Variants in GFOD1 observed in about 807,000 individuals in gnomAD.
The protein encoded by GFOD1 is glucose-fructose oxidoreductase domain-containing protein 1.
A neutral mutation model predicts 25.4 loss-of-function variants in GFOD1; 9 were observed. The observed-to-expected ratio is 0.35, with a 90% CI of 0.21 to 0.62. The LOEUF (loss-of-function observed/expected upper bound fraction) is 0.62, where lower values mean the gene tolerates loss of function less well. GFOD1 is among the 20% of genes least tolerant of loss of function. The pLI is 0.72. For missense variants in GFOD1, 403 were observed against 556.9 expected (o/e 0.72, Z 2.78); for synonymous variants, 253 against 245.6 (o/e 1.03, Z -0.28).
chr6:13,370,584 C>T (rs1785131168), intron 1 of GFOD1, among the ~76,000 whole-genome samples: 1 of 152,126 alleles, frequency 6.6e-6, no homozygotes, highest in South Asian at 2.1e-4. Context: ...TCCTCAAGAT[C>T]CTCAGGTTTT....
At chr6:13,421,525 T>G (rs893358046) in intron 1 of GFOD1, among the ~76,000 whole-genome samples, 8 of 151,898 alleles carry the variant, frequency 5.3e-5, no homozygotes, top group African/African-American at 1.9e-4. Context: ...TAAAAAATTA[T>G]ACTTTCTGCA....
At chr6:13,475,597 A>C (rs1401447299) in intron 1 of GFOD1, among the ~76,000 whole-genome samples, 2 of 151,664 alleles carry the variant, frequency 1.3e-5, no homozygotes, top group Non-Finnish European at 2.9e-5. Context: ...GGATGCCTGT[A>C]ATCTCAGCTA....
chr6:13,401,984 A>C (rs1301952432), intron 1 of GFOD1, among the ~76,000 whole-genome samples: 1 of 152,250 alleles, frequency 6.6e-6, no homozygotes, highest in African/African-American at 2.4e-5. Flanking sequence ...TGGCATAAGG[A>C]TGAACAAATA....
chr6:13,465,333 C>A (rs577428333), intron 1 of GFOD1, among the ~76,000 whole-genome samples: 2 of 152,274 alleles, frequency 1.3e-5, no homozygotes, highest in Admixed American at 6.5e-5. Flanking sequence ...AGGGGTTGGA[C>A]AAGCTTGATC....
rs1229736999 is a variant in GFOD1 at position 13,361,058 on chromosome 6, A to G, written c.*3685T>C. ...TTGTTTTTATGGATTGTATGAGATA[A>G]CATACTTAAAATACTCTGCACACAG... On this transcript the variant is annotated 3_prime_UTR_variant, in exon 2 of 2. Coordinates refer to ENST00000379287, the MANE Select transcript of GFOD1 (RefSeq NM_018988.4). 5.6e-6 allele frequency: 2 copies of G among 357,244 alleles called. No homozygotes were observed. The highest frequency in any genetic ancestry group is 1.1e-5 in the Non-Finnish European group (2 of 180,606). 22.1% of individuals were successfully genotyped at this position (357,244 alleles called of 1,614,324 possible).
At chr6:13,468,795 G>A (rs185921972) in intron 1 of GFOD1, among the ~76,000 whole-genome samples, 275 of 151,992 alleles carry the variant, frequency 1.8e-3, no homozygotes, top group Non-Finnish European at 2.8e-3. Flanking sequence ...AGATATCAAG[G>A]CCCCCCTGAC....
intron 1 of GFOD1, among the ~76,000 whole-genome samples, chr6:13,377,319 C>T (rs926231316): frequency 1.3e-5 from 2 of 152,210 alleles, no homozygotes; most frequent in African/African-American, 4.8e-5. Context: ...TTCTCTAGAA[C>T]AGAAGTTCAG....
At chr6:13,393,368 CAAAAAAAA>C (rs70989853) in intron 1 of GFOD1, among the ~76,000 whole-genome samples, 2 of 72,492 alleles carry the variant, frequency 2.8e-5, no homozygotes, top group East Asian at 4.5e-4. Flanking sequence ...AAACAACCAC[CAAAAAAAA>C]AAAAAAAAAA....
intron 1 of GFOD1, among the ~76,000 whole-genome samples, chr6:13,394,954 A>T (rs950054231): frequency 1.1e-4 from 16 of 151,950 alleles, no homozygotes; most frequent in Non-Finnish European, 1.6e-4. Flanking sequence ...GCTAATTTTT[A>T]AAAAATTTTG....
chr6:13,380,595 T>C (rs1584615145), intron 1 of GFOD1, among the ~76,000 whole-genome samples: 1 of 152,006 alleles, frequency 6.6e-6, no homozygotes, highest in South Asian at 2.1e-4. Flanking sequence ...CTGGCTGGGG[T>C]GGCCACAGGG....
chr6:13,429,487 C>A (rs1396948846), intron 1 of GFOD1, among the ~76,000 whole-genome samples: 1 of 152,226 alleles, frequency 6.6e-6, no homozygotes, highest in Non-Finnish European at 1.5e-5. Context: ...ACGGTCCTCT[C>A]AGACAGAAAA....
At chr6:13,393,599 A>G (rs1785661194) in intron 1 of GFOD1, among the ~76,000 whole-genome samples, 1 of 151,946 alleles carries the variant, frequency 6.6e-6, no homozygotes. Context: ...GTCTGGTGAT[A>G]ACAAAACTTG....
At chr6:13,372,960 A>G (rs764622324) in intron 1 of GFOD1, among the ~76,000 whole-genome samples, 10 of 152,234 alleles carry the variant, frequency 6.6e-5, no homozygotes, top group Non-Finnish European at 1.3e-4. Flanking sequence ...AGAGCCCCCA[A>G]AAGAAGTCCC....
chr6:13,390,761 AAGAGAGAG>A lies in GFOD1; in HGVS notation c.254-25107_254-25100del, dbSNP rs70989852. 4.8e-5 allele frequency among the ~76,000 whole-genome samples: 5 copies of A among 104,794 alleles called. No homozygotes were observed. The East Asian group carries it at 1.1e-3, about 24-fold the overall frequency. 68.7% of individuals were successfully genotyped at this position (104,794 alleles called of 152,430 possible). The stretch of plus-strand genomic sequence containing the variant: ...AAAGAAAGACAGGAAGAGAGAGAGA[AAGAGAGAG>A]AGAGAGAGAGAAAGGAAGGAAGGAA... On this transcript the variant is annotated intron_variant, in intron 1 of 1. Coordinates refer to ENST00000379287, the MANE Select transcript of GFOD1 (RefSeq NM_018988.4).
rs1044756810 is a variant in GFOD1, at chr6:13,430,366, G to A, written c.253+56272C>T. Among the ~76,000 whole-genome samples, 1 of 152,044 alleles carries A rather than the reference G, an allele frequency of 6.6e-6. No individual in the cohort carries two copies. The highest frequency in any genetic ancestry group is 2.4e-5 in the African/African-American group (1 of 41,382). The stretch of plus-strand genomic sequence containing the variant: ...GCAGGAGAATCACTTGAACCTGGGA[G>A]GCAGAGGTTGCAGTGATCCGAGATC... On this transcript the variant is annotated intron_variant, in intron 1 of 1. Coordinates refer to ENST00000379287, the MANE Select transcript of GFOD1 (RefSeq NM_018988.4). This position sits in a 1 kb window ranked among gnomAD's most constrained non-coding sequence, Gnocchi z 4.1.
At chr6:13,441,979 C>T (rs538178571) in intron 1 of GFOD1, among the ~76,000 whole-genome samples, 1 of 152,098 alleles carries the variant, frequency 6.6e-6, no homozygotes, top group Non-Finnish European at 1.5e-5. Context: ...ACACACACAC[C>T]CCCACACTCA....
chr6:13,480,929 G>A (rs1431192743), intron 1 of GFOD1, among the ~76,000 whole-genome samples: 1 of 152,132 alleles, frequency 6.6e-6, no homozygotes, highest in Non-Finnish European at 1.5e-5. Flanking sequence ...CTTCCCCCAG[G>A]CATACATGTA....
At chr6:13,456,741 C>T (rs764102909) in intron 1 of GFOD1, among the ~76,000 whole-genome samples, 2 of 152,196 alleles carry the variant, frequency 1.3e-5, no homozygotes, top group Admixed American at 1.3e-4. Flanking sequence ...GCGGCCTGCA[C>T]GCTGCTCGTC....
At chr6:13,462,561 T>C (rs776334190) in intron 1 of GFOD1, among the ~76,000 whole-genome samples, 1 of 152,174 alleles carries the variant, frequency 6.6e-6, no homozygotes, top group South Asian at 2.1e-4. Flanking sequence ...AGTGATACAG[T>C]CTGCCAAACC....
Sources: allele counts gnomAD v4.1 joint callset (sites outside exome capture counted in the v4.1 genomes callset), GRCh38; gene constraint gnomAD v4.1.1; non-coding constraint Gnocchi (gnomAD v3.1); transcripts MANE v1.5; gene names NCBI Gene and HGNC (gene_info 2026-07-23, HGNC 2026-07-21).